The following ST6GALNAC5 variants were observed in gnomAD, a reference collection of about 807,000 sequenced individuals.
ST6GALNAC5 encodes the protein ST6 N-acetylgalactosaminide alpha-2,6-sialyltransferase 5, also known as alpha-N-acetylgalactosaminide alpha-2,6-sialyltransferase 5.
Under a neutral mutation model 33.6 loss-of-function variants are expected in ST6GALNAC5, and 27 were observed. That is an observed-to-expected ratio of 0.80 (90% CI 0.59 to 1.11). The LOEUF (loss-of-function observed/expected upper bound fraction) is 1.11, where lower values mean the gene tolerates loss of function less well. ST6GALNAC5 is among the 50% of genes least tolerant of loss of function. The pLI is 0.00. For synonymous variants in ST6GALNAC5, 194 were observed against 171.2 expected (o/e 1.13, Z -1.04); for missense variants, 428 against 454.0 (o/e 0.94, Z 0.52).
rs112290349 is a variant in ST6GALNAC5, at chr1:76,875,064, A to G, written c.261+6322A>G. Among the ~76,000 whole-genome samples the G allele has an allele frequency of 3.5e-4, 53 of 152,332 alleles. 5 individuals are homozygous for G. The highest frequency in any genetic ancestry group is 1.3e-3 in the African/African-American group (53 of 41,570). ...TAAAGGAAAAGGAAACAAAATTAAG[A>G]TATTTTCTTAGTACAAGTGTATACA... On this transcript the variant is annotated intron_variant, in intron 2 of 4. Coordinates refer to ENST00000477717, the MANE Select transcript of ST6GALNAC5 (RefSeq NM_030965.3).
intron 2 of ST6GALNAC5, among the ~76,000 whole-genome samples, chr1:76,982,342 A>T (rs1310469088): frequency 6.6e-6 from 1 of 152,376 alleles, no homozygotes; most frequent in African/African-American, 2.4e-5. Flanking sequence ...GCTGAAAACC[A>T]TGGCATGAGA....
intron 4 of ST6GALNAC5, among the ~76,000 whole-genome samples, chr1:77,056,621 T>A (rs1027440406): frequency 1.3e-5 from 2 of 152,232 alleles, no homozygotes; most frequent in African/African-American, 4.8e-5. Flanking sequence ...GGAAAGTTCT[T>A]ACTTGGCGAC....
intron 2 of ST6GALNAC5, among the ~76,000 whole-genome samples, chr1:76,878,587 A>G (rs981889373): frequency 6.6e-6 from 1 of 152,148 alleles, no homozygotes; most frequent in Admixed American, 6.5e-5. Context: ...AAAGGATGGG[A>G]AAAAGAGTCA....
intron 2 of ST6GALNAC5, among the ~76,000 whole-genome samples, chr1:76,883,537 C>G (rs1410451452): frequency 2.0e-5 from 3 of 152,210 alleles, no homozygotes; most frequent in African/African-American, 4.8e-5. Context: ...CTGACATACA[C>G]ATCTTTAATT....
intron 2 of ST6GALNAC5, among the ~76,000 whole-genome samples, chr1:76,881,230 G>T (rs1255824899): frequency 6.6e-6 from 1 of 152,152 alleles, no homozygotes; most frequent in Non-Finnish European, 1.5e-5. Flanking sequence ...CTTTTGGGGG[G>T]AGGTATGTGC....
intron 4 of ST6GALNAC5, among the ~76,000 whole-genome samples, chr1:77,052,652 T>C (rs978856471): frequency 1.3e-5 from 2 of 151,696 alleles, no homozygotes; most frequent in Non-Finnish European, 2.9e-5. Context: ...AGGGGGCTGG[T>C]TCACAACTAT....
chr1:76,913,558 A>G (rs1439122077), intron 2 of ST6GALNAC5, among the ~76,000 whole-genome samples: 1 of 152,106 alleles, frequency 6.6e-6, no homozygotes, highest in Non-Finnish European at 1.5e-5. Context: ...AGGTAAACCA[A>G]TCAGATGCAG....
intron 2 of ST6GALNAC5, among the ~76,000 whole-genome samples, 185 bp from the exon 3 acceptor site, chr1:77,044,019 C>T (rs1651919445): frequency 6.6e-6 from 1 of 152,070 alleles, no homozygotes; most frequent in African/African-American, 2.4e-5. Flanking sequence ...CCATTGTTCC[C>T]TGTCACCCAT....
chr1:76,872,945 A>G (rs1022691263), intron 2 of ST6GALNAC5, among the ~76,000 whole-genome samples: 1 of 152,226 alleles, frequency 6.6e-6, no homozygotes, highest in South Asian at 2.1e-4. Context: ...AACAGGATAA[A>G]TGTTTTTTAT....
chr1:76,972,275 ACAG>A (rs1313405379), intron 2 of ST6GALNAC5, among the ~76,000 whole-genome samples: 2 of 152,168 alleles, frequency 1.3e-5, no homozygotes, highest in African/African-American at 2.4e-5. Context: ...TATCATGAGA[ACAG>A]CATGGGAAAG....
chr1:76,873,720 G>A (rs914487708), intron 2 of ST6GALNAC5, among the ~76,000 whole-genome samples: 37 of 152,148 alleles, frequency 2.4e-4, no homozygotes, highest in African/African-American at 8.0e-4. Context: ...GAGATTTAGG[G>A]GTCCATGTTT....
In ST6GALNAC5 at chr1:77,065,933, A is replaced by G. The variant is rs1258728220; in HGVS notation, c.*2727A>G. ...AACATTTGGCAGAGGCCATTACAAT[A>G]GATAGCCATTATGGGCAAAGATACG... On this transcript the variant is annotated 3_prime_UTR_variant, in exon 5 of 5. Coordinates refer to ENST00000477717, the MANE Select transcript of ST6GALNAC5 (RefSeq NM_030965.3). 6.6e-6 allele frequency among the ~76,000 whole-genome samples: 1 copy of G among 152,232 alleles called. No individual in the cohort carries two copies. The highest frequency in any genetic ancestry group is 1.5e-5 in the Non-Finnish European group (1 of 68,036).
At chr1:76,981,458 G>T (rs1649248894) in intron 2 of ST6GALNAC5, among the ~76,000 whole-genome samples, 1 of 152,202 alleles carries the variant, frequency 6.6e-6, no homozygotes, top group African/African-American at 2.4e-5. Flanking sequence ...CATTGCTGAG[G>T]CTTAAGTAGG....
At chr1:77,057,307 C>T (rs1652434087) in intron 4 of ST6GALNAC5, among the ~76,000 whole-genome samples, 1 of 152,156 alleles carries the variant, frequency 6.6e-6, no homozygotes, top group South Asian at 2.1e-4. Flanking sequence ...TTCTTTTCCT[C>T]ATCCATCATA....
intron 2 of ST6GALNAC5, among the ~76,000 whole-genome samples, chr1:76,984,743 G>C (rs1428695139): frequency 6.6e-6 from 1 of 152,150 alleles, no homozygotes; most frequent in Non-Finnish European, 1.5e-5. Flanking sequence ...TATTCCCAAT[G>C]AACATCAATG....
chr1:77,040,405 G>C (rs2100457830), intron 2 of ST6GALNAC5, among the ~76,000 whole-genome samples: 1 of 152,332 alleles, frequency 6.6e-6, no homozygotes, highest in Non-Finnish European at 1.5e-5. Flanking sequence ...CAATACCAGA[G>C]CTCAGATTTC....
At chr1:76,869,608 T>A (rs1170332396) in intron 2 of ST6GALNAC5, among the ~76,000 whole-genome samples, 1 of 152,206 alleles carries the variant, frequency 6.6e-6, no homozygotes, top group Non-Finnish European at 1.5e-5. Context: ...AATCTCCCAA[T>A]TATTCTTTTT....
At chr1:76,946,995 T>C (rs1176563226) in intron 2 of ST6GALNAC5, among the ~76,000 whole-genome samples, 1 of 135,550 alleles carries the variant, frequency 7.4e-6, no homozygotes, top group Non-Finnish European at 1.6e-5. Flanking sequence ...ACTCAAACTG[T>C]TATTGACTTA....
intron 2 of ST6GALNAC5, among the ~76,000 whole-genome samples, chr1:77,003,437 CTT>C (rs1382622055): frequency 6.7e-6 from 1 of 150,220 alleles, no homozygotes; most frequent in Non-Finnish European, 1.5e-5. Flanking sequence ...GCTCTTGACT[CTT>C]TATCCAATTT....
Sources: gnomAD v4.1 joint callset for allele counts (sites outside exome capture counted in the v4.1 genomes callset) on GRCh38, gnomAD v4.1.1 for gene constraint, MANE v1.5 for transcripts, NCBI Gene and HGNC (gene_info 2026-07-23, HGNC 2026-07-21) for gene names.